EBF1: variants seen among roughly 807,000 people sequenced by gnomAD.
The protein encoded by EBF1 is EBF transcription factor 1.
A neutral mutation model predicts 68.4 loss-of-function variants in EBF1; 10 were observed. The observed-to-expected ratio is 0.15, with a 90% CI of 0.09 to 0.25. The LOEUF is 0.25. EBF1 is among the 10% of genes least tolerant of loss of function. The pLI, the probability that EBF1 is intolerant of heterozygous loss-of-function variation, is 1.00. For missense variants in EBF1, 509 were observed against 794.4 expected (o/e 0.64, Z 4.32); for synonymous variants, 298 against 299.8 (o/e 0.99, Z 0.06).
intron 8 of EBF1, among the ~76,000 whole-genome samples, chr5:158,797,852 C>G (rs1256328233): frequency 6.6e-6 from 1 of 152,154 alleles, no homozygotes; most frequent in Non-Finnish European, 1.5e-5. Flanking sequence ...CTCTTCTCTA[C>G]TTTCTCCCAA....
chr5:158,909,254 G>A (rs1433934697), intron 6 of EBF1, among the ~76,000 whole-genome samples: 1 of 152,196 alleles, frequency 6.6e-6, no homozygotes, highest in East Asian at 1.9e-4. Flanking sequence ...ACTCAGGTTA[G>A]GATGGTGGTG....
intron 10 of EBF1, among the ~76,000 whole-genome samples, chr5:158,774,003 T>G (rs1774485565): frequency 6.6e-6 from 1 of 152,184 alleles, no homozygotes; most frequent in Admixed American, 6.5e-5. Context: ...TAGAAAACAT[T>G]TATTGAAAAT....
chr5:158,807,769 T>C (rs1276300022), intron 8 of EBF1, among the ~76,000 whole-genome samples: 1 of 152,184 alleles, frequency 6.6e-6, no homozygotes, highest in Non-Finnish European at 1.5e-5. Context: ...TTCTTTGCTA[T>C]GCAGAAGATT....
intron 6 of EBF1, among the ~76,000 whole-genome samples, chr5:159,054,487 C>T (rs143265467): frequency 1.3e-4 from 20 of 152,298 alleles, no homozygotes; most frequent in African/African-American, 4.6e-4. Context: ...CTCCTCTGCA[C>T]ATAGAAAAAA....
intron 8 of EBF1, among the ~76,000 whole-genome samples, chr5:158,813,539 G>T (rs1783117397): frequency 6.6e-6 from 1 of 152,142 alleles, no homozygotes; most frequent in South Asian, 2.1e-4. Flanking sequence ...AGGGAAATTG[G>T]ATCCTTTCAC....
intron 6 of EBF1, among the ~76,000 whole-genome samples, chr5:158,961,492 C>T (rs1415859774): frequency 6.6e-6 from 1 of 152,032 alleles, no homozygotes; most frequent in Non-Finnish European, 1.5e-5. Context: ...TTATGAGATA[C>T]ACTATAATAT....
At chr5:158,713,234 G>T in intron 12 of EBF1, 87 bp from the exon 13 acceptor site, 1 of 1,201,344 alleles carries the variant, frequency 8.3e-7, no homozygotes, top group Non-Finnish European at 1.1e-6. Flanking sequence ...ACCGTGCTCA[G>T]GGTTTTCAAT....
chr5:158,856,660 AACCCT>A (rs1176578608), intron 6 of EBF1, among the ~76,000 whole-genome samples: 1 of 152,200 alleles, frequency 6.6e-6, no homozygotes, highest in Non-Finnish European at 1.5e-5. Context: ...TCCTCACAGC[AACCCT>A]ACGCTCCCCC....
At chr5:158,989,107 C>T (rs898539925) in intron 6 of EBF1, among the ~76,000 whole-genome samples, 1 of 152,174 alleles carries the variant, frequency 6.6e-6, no homozygotes, top group Non-Finnish European at 1.5e-5. Context: ...GACTTCCTGG[C>T]TGTCTGATAC....
chr5:158,939,215 A>G (rs2127464100), intron 6 of EBF1, among the ~76,000 whole-genome samples: 1 of 152,296 alleles, frequency 6.6e-6, no homozygotes, highest in East Asian at 1.9e-4. Flanking sequence ...TCTTCTGAAA[A>G]ACACAAAGAT....
At chr5:158,800,457 T>C (rs17056244) in intron 8 of EBF1, among the ~76,000 whole-genome samples, 4,246 of 152,268 alleles carry the variant, frequency 0.028, 202 homozygotes, top group African/African-American at 0.097. Flanking sequence ...ATTTGTATGA[T>C]TTAAATTTTT....
chr5:158,846,224 G>C (rs1420316676), intron 6 of EBF1, among the ~76,000 whole-genome samples: 3 of 152,276 alleles, frequency 2.0e-5, no homozygotes, highest in East Asian at 3.9e-4. Flanking sequence ...TCTGTGTGAA[G>C]TTCAAGCTGC....
chr5:158,897,118 T>C (rs1471776728), intron 6 of EBF1, among the ~76,000 whole-genome samples: 2 of 152,098 alleles, frequency 1.3e-5, no homozygotes, highest in African/African-American at 4.8e-5. Flanking sequence ...TATATGAACG[T>C]GTATGTTCAT....
chr5:158,872,047 T>C (rs1796963410), intron 6 of EBF1, among the ~76,000 whole-genome samples: 1 of 152,162 alleles, frequency 6.6e-6, no homozygotes, highest in Non-Finnish European at 1.5e-5. Flanking sequence ...TTACAAAACA[T>C]ACTTCACAAC....
intron 4 of EBF1, among the ~76,000 whole-genome samples, chr5:159,088,678 C>T (rs1781130450): frequency 6.6e-6 from 1 of 152,070 alleles, no homozygotes; most frequent in African/African-American, 2.4e-5. Context: ...CATAGTAAAT[C>T]ATGAGTCTGC....
intron 10 of EBF1, among the ~76,000 whole-genome samples, chr5:158,732,503 A>C (rs1764306353): frequency 6.6e-6 from 1 of 152,174 alleles, no homozygotes; most frequent in South Asian, 2.1e-4. Context: ...TAACTTGTCA[A>C]CTTGTAAATC....
intron 6 of EBF1, among the ~76,000 whole-genome samples, chr5:158,886,803 G>C (rs538083952): frequency 1.1e-4 from 16 of 152,316 alleles, no homozygotes; most frequent in African/African-American, 3.8e-4. Context: ...CCTGAGGTCA[G>C]GAGTTCGAGA....
rs117182736 is a variant in EBF1, at chr5:158,920,531, T to G, written c.555-80421A>C. ...GGCCAGTGTCCACAGTAAAAGTTAG[T>G]GACTTGAAAGGCATGTGCAGCAGGC... On this transcript the variant is annotated intron_variant, in intron 6 of 15. Coordinates refer to ENST00000313708, the MANE Select transcript of EBF1 (RefSeq NM_024007.5). Among the ~76,000 whole-genome samples, 207 of 152,252 alleles carry G rather than the reference T, an allele frequency of 1.4e-3. 5 individuals carry two copies. In the East Asian group the frequency reaches 0.034, roughly 25 times the overall value.
chr5:158,817,244 T>C (rs1582165488), intron 8 of EBF1, among the ~76,000 whole-genome samples: 1 of 94,034 alleles, frequency 1.1e-5, no homozygotes, highest in African/African-American at 5.4e-5. Flanking sequence ...TACCTGGCAA[T>C]TTTTTTTTTT....
Sources: allele counts gnomAD v4.1 joint callset (sites outside exome capture counted in the v4.1 genomes callset), GRCh38; gene constraint gnomAD v4.1.1; transcripts MANE v1.5; gene names NCBI Gene and HGNC (gene_info 2026-07-23, HGNC 2026-07-21).